The following ZC3H3 variants were observed in gnomAD, a reference collection of about 807,000 sequenced individuals.
ZC3H3 encodes zinc finger CCCH domain-containing protein 3.
Under a neutral mutation model 77.3 loss-of-function variants are expected in ZC3H3, and 36 were observed. The observed-to-expected ratio is 0.47, with a 90% CI of 0.36 to 0.61. The LOEUF is 0.61. ZC3H3 is among the 20% of genes least tolerant of loss of function. The pLI, the probability that ZC3H3 is intolerant of heterozygous loss-of-function variation, is 0.00. For synonymous variants in ZC3H3, 626 were observed against 555.2 expected (o/e 1.13, Z -1.79); for missense variants, 1,331 against 1,312.2 (o/e 1.01, Z -0.22).
At chr8:143,447,860 G>A (rs965368674) in intron 9 of ZC3H3, among the ~76,000 whole-genome samples, 1 of 152,250 alleles carries the variant, frequency 6.6e-6, no homozygotes, top group African/African-American at 2.4e-5. Flanking sequence ...ATGGCCGGGT[G>A]TCGTGGCTCA....
rs944028490 is a variant in ZC3H3 at position 143,504,547 on chromosome 8, A to G, written c.1715+3199T>C. ...TTCCAGCTCAGGCCCTGTCCTGAAC[A>G]CCCCACCACAATCAAGCCTAGAGAC... On this transcript the variant is annotated intron_variant, in intron 4 of 11. Transcript: ENST00000262577. Among the ~76,000 whole-genome samples, 4 of 152,056 alleles carry G rather than the reference A, an allele frequency of 2.6e-5. No homozygotes were observed. The South Asian group carries it at 8.3e-4, about 32-fold the overall frequency.
At chr8:143,507,427 C>T (rs980798032) in intron 4 of ZC3H3, among the ~76,000 whole-genome samples, 4 of 152,272 alleles carry the variant, frequency 2.6e-5, no homozygotes, top group South Asian at 2.1e-4. Flanking sequence ...GGGCCCTGAC[C>T]GTCTGGGCAG....
chr8:143,513,810 C>T (rs1821947473), intron 3 of ZC3H3, among the ~76,000 whole-genome samples: 1 of 152,246 alleles, frequency 6.6e-6, no homozygotes, highest in South Asian at 2.1e-4. Flanking sequence ...TAGTCCGAGG[C>T]ACCTCCTGGA....
At chr8:143,502,388 C>T (rs1821552963) in intron 4 of ZC3H3, among the ~76,000 whole-genome samples, 1 of 152,268 alleles carries the variant, frequency 6.6e-6, no homozygotes, top group African/African-American at 2.4e-5. Context: ...CCCCTCCCGT[C>T]CCCAGGCTGA....
chr8:143,501,609 C>G (rs900772262), intron 4 of ZC3H3, among the ~76,000 whole-genome samples: 2 of 152,016 alleles, frequency 1.3e-5, no homozygotes, highest in African/African-American at 4.8e-5. Context: ...GGATTCATCC[C>G]AAGTTCCTCT....
At chr8:143,497,564 G>A (rs1280139581) in intron 4 of ZC3H3, among the ~76,000 whole-genome samples, 1 of 152,192 alleles carries the variant, frequency 6.6e-6, no homozygotes, top group African/African-American at 2.4e-5. Flanking sequence ...GTCTTTTGGT[G>A]CTGACTGCAC....
At chr8:143,452,012 A>C (rs897781050) in intron 9 of ZC3H3, among the ~76,000 whole-genome samples, 1 of 152,192 alleles carries the variant, frequency 6.6e-6, no homozygotes, top group Non-Finnish European at 1.5e-5. Context: ...CAAGACTTGG[A>C]GTCAAGGAAG....
intron 4 of ZC3H3, among the ~76,000 whole-genome samples, chr8:143,488,577 G>A (rs1178673101): frequency 6.6e-6 from 1 of 152,222 alleles, no homozygotes; most frequent in African/African-American, 2.4e-5. Context: ...TCAGGAACAG[G>A]CAAAGCCAAT....
In ZC3H3 at chr8:143,493,429, C is replaced by G. The variant is rs1181078508; in HGVS notation, c.1715+14317G>C. 6.6e-6 allele frequency among the ~76,000 whole-genome samples: 1 copy of G among 152,236 alleles called. No homozygotes were observed. Among genetic ancestry groups the G allele is most frequent in the Non-Finnish European group, 1.5e-5 (1 of 68,036 alleles). On this transcript the variant is annotated intron_variant, in intron 4 of 11. Transcript: ENST00000262577. This position sits in a 1 kb window ranked among gnomAD's most constrained non-coding sequence, Gnocchi z 4.8. ...CTGGCTTCTCCTCCCTCTTCCCTAC[C>G]CCAAACCACCAAGGCCGAGGCTGCA...
At chr8:143,486,308 G>A (rs1001732978) in intron 4 of ZC3H3, among the ~76,000 whole-genome samples, 2 of 152,224 alleles carry the variant, frequency 1.3e-5, no homozygotes, top group South Asian at 2.1e-4. Context: ...TGCAGTGGGC[G>A]GCTACGACAA....
rs1250594840 is a variant in ZC3H3 at position 143,538,683 on chromosome 8, C to T, written c.684G>A (p.Ala228=). Residue 228 remains alanine (A), a synonymous_variant, in exon 2 of 12, where the codon GCG becomes GCA. Transcript: ENST00000262577. ...TVSESVIAVK[A]SFPSSALPPR... ...GGGGCAGAGCGGAGGATGGGAAGCT[C>T]GCCTTGACGGCAATCACACTCTCAC... The T allele has an allele frequency of 8.7e-6, 14 of 1,608,056 alleles. No homozygotes were observed. Among genetic ancestry groups the T allele is most frequent in the South Asian group, 5.5e-5 (5 of 91,054 alleles).
chr8:143,503,063 A>T (rs764669622), intron 4 of ZC3H3, among the ~76,000 whole-genome samples: 1 of 152,222 alleles, frequency 6.6e-6, no homozygotes, highest in Non-Finnish European at 1.5e-5. Flanking sequence ...CACCACGCTC[A>T]GCAGAACAAC....
rs755198006 is a variant in ZC3H3, at chr8:143,494,677, A to T, written c.1715+13069T>A. On this transcript the variant is annotated intron_variant, in intron 4 of 11. Transcript: ENST00000262577. This position sits in a 1 kb window ranked among gnomAD's most constrained non-coding sequence, Gnocchi z 5.3. ...CACGAGGGGATGGGAGCACAGGAAC[A>T]CAGCCCCCAGAGGGCCAGGAGCCCC... is the stretch of plus-strand genomic sequence containing the variant. Among the ~76,000 whole-genome samples the T allele has an allele frequency of 1.5e-4, 23 of 152,156 alleles. No homozygotes were observed. Among genetic ancestry groups the T allele is most frequent in the Non-Finnish European group, 2.9e-4 (20 of 68,012 alleles).
intron 5 of ZC3H3, 141 bp from the exon 6 acceptor site, chr8:143,468,800 G>T: frequency 8.8e-7 from 1 of 1,135,524 alleles, no homozygotes; most frequent in Non-Finnish European, 1.2e-6. Context: ...ACTGCCCAGA[G>T]CTCCCCTCCC....
chr8:143,528,195 C>T (rs986770457), intron 3 of ZC3H3, among the ~76,000 whole-genome samples: 21 of 152,352 alleles, frequency 1.4e-4, no homozygotes, highest in Non-Finnish European at 2.1e-4. Flanking sequence ...CGTGCTCCTG[C>T]CTCCTCGGGG....
chr8:143,439,948 G>T lies in ZC3H3; in HGVS notation c.2815+93C>A. On this transcript the variant is annotated intron_variant, in intron 11 of 11. Transcript: ENST00000262577. Reference sequence around the variant, plus strand: ...CTGCCTACCTGAGTCCTTGCTGAGGGGGGGGCCCTGGGGGCCTGAGCCAGG... The same window carrying T: ...CTGCCTACCTGAGTCCTTGCTGAGGTGGGGGCCCTGGGGGCCTGAGCCAGG... The T allele has an allele frequency of 3.1e-6, 3 of 979,970 alleles. 1 individual carries two copies. The highest frequency in any genetic ancestry group is 4.3e-6 in the Non-Finnish European group (3 of 704,902). The allele number at this position is 979,970 out of a possible 1,614,324, so 60.7% of individuals were successfully genotyped here.
chr8:143,442,004 G>A (rs1819754817), intron 9 of ZC3H3, among the ~76,000 whole-genome samples: 1 of 152,188 alleles, frequency 6.6e-6, no homozygotes, highest in Non-Finnish European at 1.5e-5. Flanking sequence ...CGGCACTAGA[G>A]TGGCCGGAGT....
chr8:143,532,031 G>C (rs1381562865), intron 3 of ZC3H3, among the ~76,000 whole-genome samples: 1 of 152,260 alleles, frequency 6.6e-6, no homozygotes, highest in African/African-American at 2.4e-5. Flanking sequence ...TAGTAACTCA[G>C]GGGAGATGGG....
chr8:143,440,820 G>A (rs1241550136), intron 10 of ZC3H3, 116 bp downstream of exon 10: 1 of 1,165,576 alleles, frequency 8.6e-7, no homozygotes, highest in African/African-American at 1.6e-5. Flanking sequence ...TTTCTTTCTG[G>A]TCTGAGGCCC....
Sources: allele counts gnomAD v4.1 joint callset (sites outside exome capture counted in the v4.1 genomes callset), GRCh38; gene constraint gnomAD v4.1.1; non-coding constraint Gnocchi (gnomAD v3.1); transcripts MANE v1.5; gene names NCBI Gene and HGNC (gene_info 2026-07-23, HGNC 2026-07-21).